Variants in PMM2 observed in about 807,000 individuals in gnomAD.
The protein encoded by PMM2 is mannose-6-phosphate isomerase.
Under a neutral mutation model 33.2 loss-of-function variants are expected in PMM2, and 35 were observed. The ratio of observed to expected loss-of-function variants is 1.06; its 90% CI spans 0.81 to 1.40. The LOEUF is 1.40. Ranked by LOEUF, PMM2 falls within the 40% of genes most tolerant of loss-of-function variation. The pLI is 0.00. For missense variants in PMM2, 386 were observed against 306.0 expected, an observed-to-expected ratio of 1.26 and a Z score of -1.95; for synonymous variants, 153 against 114.7, an observed-to-expected ratio of 1.33 and a Z score of -2.13.
At chr16:8,836,703 A>C (rs2060850416) in intron 7 of PMM2, among the ~76,000 whole-genome samples, 1 of 151,988 alleles carries the variant, frequency 6.6e-6, no homozygotes, top group Admixed American at 6.6e-5. Context: ...TGTCGGGAGC[A>C]GATTGGGTAA....
At chr16:8,825,868 GC>G (rs1281664534) in intron 7 of PMM2, among the ~76,000 whole-genome samples, 4 of 147,288 alleles carry the variant, frequency 2.7e-5, no homozygotes, top group African/African-American at 1.0e-4. Context: ...CAATTCTTCT[GC>G]CTCAACCTCC....
chr16:8,846,425 C>T (rs2060925873), intron 7 of PMM2, among the ~76,000 whole-genome samples: 1 of 152,016 alleles, frequency 6.6e-6, no homozygotes, highest in Non-Finnish European at 1.5e-5. Flanking sequence ...GAGTGATTAT[C>T]CAATTTTATG....
intron 7 of PMM2, among the ~76,000 whole-genome samples, chr16:8,824,699 T>A (rs1410459499): frequency 6.6e-6 from 1 of 152,122 alleles, no homozygotes; most frequent in Non-Finnish European, 1.5e-5. Context: ...GGAAGTTTGT[T>A]AAATATCAAA....
chr16:8,805,867 G>T (rs2060645124), intron 3 of PMM2, among the ~76,000 whole-genome samples: 1 of 152,176 alleles, frequency 6.6e-6, no homozygotes, highest in Non-Finnish European at 1.5e-5. Context: ...TGGGATTACA[G>T]GTGTGAGCTG....
At chr16:8,827,841 AATATATAATATATATGTTATATATT>A (rs1261743518) in intron 7 of PMM2, among the ~76,000 whole-genome samples, 4 of 72,218 alleles carry the variant, frequency 5.5e-5, no homozygotes, top group Non-Finnish European at 8.6e-5. Flanking sequence ...TATATTGTAT[AATATATAATATATATGTTATATATT>A]ATATATATGT....
intron 7 of PMM2, among the ~76,000 whole-genome samples, chr16:8,813,836 G>C (rs964530804): frequency 6.7e-6 from 1 of 149,764 alleles, no homozygotes; most frequent in African/African-American, 2.5e-5. Context: ...ACCCAGCTTT[G>C]GGCCAGCTCC....
At position 8,806,204 on chromosome 16, in the gene PMM2, A is replaced by G; in HGVS notation, c.256-112A>G. 4 of 752,528 alleles carry G rather than the reference A, an allele frequency of 5.3e-6. No individual in the cohort carries two copies. The East Asian group carries it at 7.4e-5, about 14-fold the overall frequency. 46.6% of individuals were successfully genotyped at this position (752,528 alleles called of 1,614,324 possible). ...AGTGGGGCATGTCACCATCACTGCTACATCAGCCTACTGATTTTCAGCAAT... is the reference window on the plus strand; with the variant it reads ...AGTGGGGCATGTCACCATCACTGCTGCATCAGCCTACTGATTTTCAGCAAT... On this transcript the variant is annotated intron_variant, in intron 3 of 7. Transcript: ENST00000268261.
intron 3 of PMM2, 148 bp downstream of exon 3, chr16:8,804,991 C>A (rs1451798925): frequency 3.1e-6 from 2 of 646,820 alleles, no homozygotes; most frequent in Non-Finnish European, 5.5e-6. Context: ...AACCATGTGA[C>A]TATTACATAT....
chr16:8,813,033 A>G lies in PMM2; in HGVS notation c.566A>G (p.Lys189Arg), dbSNP rs1042524665. 1.2e-6 allele frequency: 2 copies of G among 1,610,804 alleles called. No individual in the cohort carries two copies. The highest frequency in any genetic ancestry group is 2.7e-5 in the African/African-American group (2 of 74,890). Reference sequence around the variant, plus strand: ...GATGTCTTTCCTGATGGATGGGACAAGAGATACTGTCTGCGACATGTGGAA... The same window carrying G: ...GATGTCTTTCCTGATGGATGGGACAGGAGATACTGTCTGCGACATGTGGAA... ...SFDVFPDGWD[K>R]RYCLRHVEND... is the part of the protein sequence containing the mutation. The change falls in exon 7 of 8, where the codon AAG (lysine) becomes AGG (arginine). Residue 189 changes from lysine to arginine, a missense_variant. Lys to Arg is a conservative substitution (Grantham distance 26, BLOSUM62 2). Coordinates refer to ENST00000268261, the MANE Select transcript of PMM2 (RefSeq NM_000303.3).
At chr16:8,820,561 C>T in intron 7 of PMM2, among the ~76,000 whole-genome samples, 1 of 152,108 alleles carries the variant, frequency 6.6e-6, no homozygotes, top group East Asian at 1.9e-4. Flanking sequence ...ACCATCTTGG[C>T]CAGGCTGGTC....
rs1454937180 is a variant in PMM2 at position 8,841,773 on chromosome 16, G to T, written c.640-5951G>T. Among the ~76,000 whole-genome samples the T allele has an allele frequency of 2.6e-5, 3 of 116,784 alleles. 1 individual carries two copies. The highest frequency in any genetic ancestry group is 5.8e-5 in the Non-Finnish European group (3 of 51,284). 76.6% of individuals were successfully genotyped at this position (116,784 alleles called of 152,430 possible). A position where few individuals can be genotyped will look rare whatever the true frequency, so the allele number is the denominator to read the frequency against. On this transcript the variant is annotated intron_variant, in intron 7 of 7. Transcript: ENST00000268261. ...GGATCAGAGAAACACAGTCATGGGG[G>T]TCAGGTGTGGTATCAGGAATAATGT...
chr16:8,801,190 T>C (rs2060614283), intron 1 of PMM2, among the ~76,000 whole-genome samples: 1 of 152,210 alleles, frequency 6.6e-6, no homozygotes, highest in South Asian at 2.1e-4. Context: ...CCTATTTGTA[T>C]ATGTGCCCAT....
In PMM2 at chr16:8,820,612, C is replaced by G. The variant is rs200015392; in HGVS notation, c.639+7506C>G. ...CAAGTGATCCGCCCACCTTGGCCTC[C>G]CAAAGTGCTGGAATTACAGGCGTGA... On this transcript the variant is annotated intron_variant, in intron 7 of 7. Coordinates refer to ENST00000268261, the MANE Select transcript of PMM2 (RefSeq NM_000303.3). Among the ~76,000 whole-genome samples the G allele has an allele frequency of 5.3e-5, 8 of 152,242 alleles. No individual in the cohort carries two copies. In the East Asian group the frequency reaches 1.5e-3, roughly 29 times the overall value.
Position 8,806,312 on chromosome 16 carries a change from C to G in PMM2, c.256-4C>G. 1.3e-6 allele frequency: 2 copies of G among 1,569,486 alleles called. No individual in the cohort carries two copies. Among genetic ancestry groups the G allele is most frequent in the Non-Finnish European group, 1.8e-6 (2 of 1,139,362 alleles). On this transcript the variant is annotated splice_polypyrimidine_tract_variant and splice_region_variant and intron_variant, in intron 3 of 7. Coordinates refer to ENST00000268261, the MANE Select transcript of PMM2 (RefSeq NM_000303.3). ...CAAGTAACTCAAGTATTTTCTTCAT[C>G]TAGAATATTCAAAGTCATCTGGGTG...
chr16:8,838,076 C>G (rs1003317858), intron 7 of PMM2, among the ~76,000 whole-genome samples: 2 of 152,016 alleles, frequency 1.3e-5, no homozygotes, highest in Admixed American at 1.3e-4. Context: ...AGAGAGTCAG[C>G]AAAGGGTGGT....
Position 8,803,828 on chromosome 16 carries a change from C to T in PMM2, c.179-939C>T, listed in dbSNP as rs143616807. ...CCTCCGAAGTAGCTGGGACTACAGGCGCCCACCAGCACGCCCGGCTAATTT... is the reference window on the plus strand; with the variant it reads ...CCTCCGAAGTAGCTGGGACTACAGGTGCCCACCAGCACGCCCGGCTAATTT... On this transcript the variant is annotated intron_variant, in intron 2 of 7. Coordinates refer to ENST00000268261, the MANE Select transcript of PMM2 (RefSeq NM_000303.3). Among the ~76,000 whole-genome samples, 821 of 151,358 alleles carry T rather than the reference C, an allele frequency of 5.4e-3. 16 individuals are homozygous for T. The highest frequency in any genetic ancestry group is 0.019 in the African/African-American group (780 of 41,262).
intron 7 of PMM2, among the ~76,000 whole-genome samples, chr16:8,825,098 T>C (rs919711076): frequency 8.5e-5 from 13 of 152,248 alleles, no homozygotes; most frequent in African/African-American, 3.1e-4. Context: ...TGGCACGATC[T>C]CAGCTCACTG....
intron 7 of PMM2, among the ~76,000 whole-genome samples, chr16:8,830,030 TACAG>T (rs551458218): frequency 4.3e-4 from 65 of 152,292 alleles, no homozygotes; most frequent in African/African-American, 1.5e-3. Flanking sequence ...ATGATGGGGC[TACAG>T]ACAGATACCC....
intron 2 of PMM2, among the ~76,000 whole-genome samples, chr16:8,804,022 G>GTTTTTTTTT (rs770345977): frequency 2.7e-4 from 7 of 25,978 alleles, no homozygotes; most frequent in African/African-American, 6.4e-4. Flanking sequence ...TGTTTTTTGG[G>GTTTTTTTTT]TTTTTTTTGT....
Sources: gnomAD v4.1 joint callset for allele counts (sites outside exome capture counted in the v4.1 genomes callset) on GRCh38, gnomAD v4.1.1 for gene constraint, MANE v1.5 for transcripts, NCBI Gene and HGNC (gene_info 2026-07-23, HGNC 2026-07-21) for gene names.